Variants in PLCG2 observed in about 807,000 individuals in gnomAD.
PLCG2 encodes the protein phospholipase C gamma 2.
PLCG2 carries 69 observed loss-of-function variants against 175.6 expected under a neutral mutation model. The ratio of observed to expected loss-of-function variants is 0.39; its 90% CI spans 0.32 to 0.48. PLCG2 has a LOEUF of 0.48. PLCG2 is among the 20% of genes least tolerant of loss of function. The probability of loss-of-function intolerance (pLI) is 0.91; values close to 1 mark genes in which losing one functional copy is unlikely to be tolerated. For missense variants in PLCG2, 1,798 were observed against 1,650.9 expected (o/e 1.09, Z -1.54); for synonymous variants, 827 against 624.0 (o/e 1.33, Z -4.85).
At chr16:81,782,288 A>C (rs1332609800) in intron 1 of PLCG2, among the ~76,000 whole-genome samples, 1 of 151,570 alleles carries the variant, frequency 6.6e-6, no homozygotes, top group Non-Finnish European at 1.5e-5. Flanking sequence ...AAAATCAGTT[A>C]TTCAAACTCA....
intron 2 of PLCG2, among the ~76,000 whole-genome samples, chr16:81,823,891 T>A (rs1432921816): frequency 1.1e-4 from 16 of 151,528 alleles, no homozygotes; most frequent in Admixed American, 1.1e-3. Context: ...CCTTCTTTTC[T>A]TTCCTCCCTT....
chr16:81,879,078 G>T (rs926880962), intron 7 of PLCG2, among the ~76,000 whole-genome samples: 9 of 152,134 alleles, frequency 5.9e-5, no homozygotes, highest in African/African-American at 1.7e-4. Flanking sequence ...CTCCCTGAGT[G>T]GGGGAATGCG....
intron 9 of PLCG2, chr16:81,883,573 C>T: frequency 1.7e-6 from 1 of 579,904 alleles, no homozygotes; most frequent in South Asian, 2.0e-5. Context: ...TGTCGGGCCT[C>T]TTTTGAAGGC....
intron 31 of PLCG2, among the ~76,000 whole-genome samples, chr16:81,955,777 G>C (rs4888199): frequency 0.42 from 63,548 of 151,976 alleles, 13,353 homozygotes; most frequent in East Asian, 0.54. Flanking sequence ...CCTTGCTTGG[G>C]TCATGTGCCT....
At chr16:81,782,919 C>A (rs940372912) in intron 1 of PLCG2, among the ~76,000 whole-genome samples, 1 of 152,200 alleles carries the variant, frequency 6.6e-6, no homozygotes, top group Non-Finnish European at 1.5e-5. Flanking sequence ...GTGTAAATTC[C>A]ACCCCTGCTC....
chr16:81,829,774 C>G (rs905967340), intron 2 of PLCG2, among the ~76,000 whole-genome samples: 1 of 152,210 alleles, frequency 6.6e-6, no homozygotes. Flanking sequence ...TGTCCACTCT[C>G]TCCTGCTGGG....
At chr16:81,923,231 T>C (rs115701969) in intron 21 of PLCG2, among the ~76,000 whole-genome samples, 1,571 of 151,486 alleles carry the variant, frequency 0.01, 26 homozygotes, top group African/African-American at 0.036. Flanking sequence ...AAACCCTAAC[T>C]CCTAACCCCT....
At chr16:81,783,111 C>T in intron 1 of PLCG2, 1 of 486,036 alleles carries the variant, frequency 2.1e-6, no homozygotes, top group Non-Finnish European at 4.1e-6. Context: ...AGCCTGGTCC[C>T]TTGTCCTGGT....
chr16:81,785,735 G>A (rs1910939503), intron 1 of PLCG2: 1 of 387,424 alleles, frequency 2.6e-6, no homozygotes. Flanking sequence ...TTGAGGTCAG[G>A]GGCTCTTCTC....
chr16:81,879,681 A>G (rs1419170148), intron 7 of PLCG2, among the ~76,000 whole-genome samples: 2 of 152,194 alleles, frequency 1.3e-5, no homozygotes, highest in African/African-American at 2.4e-5. Flanking sequence ...CTAAGTGCTT[A>G]TCCAATCGCA....
At chr16:81,941,786 T>G (rs1910952765) in intron 30 of PLCG2, among the ~76,000 whole-genome samples, 1 of 151,514 alleles carries the variant, frequency 6.6e-6, no homozygotes, top group African/African-American at 2.4e-5. Context: ...AACCTCTGCC[T>G]CAGCCTCCTC....
At chr16:81,809,164 A>C (rs1567475352) in intron 2 of PLCG2, among the ~76,000 whole-genome samples, 1 of 151,904 alleles carries the variant, frequency 6.6e-6, no homozygotes, top group Non-Finnish European at 1.5e-5. Context: ...TGTTGCAGAC[A>C]CTCTTGGCCT....
chr16:81,891,421 C>G (rs199537366), intron 10 of PLCG2, 51 bp from the exon 11 acceptor site: 16 of 1,029,320 alleles, frequency 1.6e-5, no homozygotes, highest in Admixed American at 3.4e-5. Context: ...CAAGCAGACA[C>G]CATCCTGCCC....
upstream of PLCG2, among the ~76,000 whole-genome samples, chr16:81,778,044 A>AAAAAAAAAAAAAAC (rs1910510002): frequency 1.2e-5 from 1 of 83,782 alleles, no homozygotes; most frequent in Non-Finnish European, 2.3e-5. Context: ...AAAAAAAAAC[A>AAAAAAAAAAAAAAC]AAAAAAAAAA....
chr16:81,812,043 C>CTTTTTTTTT (rs539108021), intron 2 of PLCG2, among the ~76,000 whole-genome samples: 11 of 90,334 alleles, frequency 1.2e-4, no homozygotes, highest in Non-Finnish European at 2.3e-4. Flanking sequence ...TGTTTCCTGA[C>CTTTTTTTTT]TTTTTTTTTT....
intron 7 of PLCG2, among the ~76,000 whole-genome samples, chr16:81,872,685 G>A (rs1421602154): frequency 6.6e-6 from 1 of 152,232 alleles, no homozygotes; most frequent in African/African-American, 2.4e-5. Context: ...CTGCAAAAGA[G>A]TTCCCAGAGA....
intron 1 of PLCG2, among the ~76,000 whole-genome samples, chr16:81,782,143 T>C (rs1414254958): frequency 1.3e-5 from 2 of 152,148 alleles, no homozygotes; most frequent in East Asian, 3.9e-4. Context: ...CCCAAAGTGC[T>C]GGAATTACAG....
chr16:81,932,663 G>A (rs974735884), intron 25 of PLCG2, among the ~76,000 whole-genome samples: 1 of 152,208 alleles, frequency 6.6e-6, no homozygotes, highest in African/African-American at 2.4e-5. Context: ...GTCACGAGAG[G>A]ATCCTTGACT....
At chr16:81,827,810 G>A (rs898542886) in intron 2 of PLCG2, among the ~76,000 whole-genome samples, 3 of 152,064 alleles carry the variant, frequency 2.0e-5, no homozygotes, top group Admixed American at 6.5e-5. Flanking sequence ...CGTTGACGCC[G>A]CCAGGCACGG....
Sources: gnomAD v4.1 joint callset for allele counts (sites outside exome capture counted in the v4.1 genomes callset) on GRCh38, gnomAD v4.1.1 for gene constraint, MANE v1.5 for transcripts, NCBI Gene and HGNC (gene_info 2026-07-23, HGNC 2026-07-21) for gene names.